The following HDAC7 variants were observed in gnomAD, a reference collection of about 807,000 sequenced individuals.
The protein encoded by HDAC7 is histone deacetylase 7, also known as histone deacetylase 7A.
A neutral mutation model predicts 115.5 loss-of-function variants in HDAC7; 26 were observed. That is an observed-to-expected ratio of 0.23 (90% confidence interval 0.16 to 0.31). The LOEUF is 0.31. Ranked by LOEUF, HDAC7 falls within the 10% of genes least tolerant of loss-of-function variation. The probability of loss-of-function intolerance (pLI) is 1.00; values close to 1 mark genes in which losing one functional copy is unlikely to be tolerated. For missense variants in HDAC7, 1,068 were observed against 1,329.0 expected (o/e 0.80, Z 3.05); for synonymous variants, 564 against 550.9 (o/e 1.02, Z -0.33).
chr12:47,794,703 C>A, intron 12 of HDAC7, 57 bp downstream of exon 12: 1 of 1,469,026 alleles, frequency 6.8e-7, no homozygotes. Flanking sequence ...CCATCTTATG[C>A]CAGGCCCCAG....
At chr12:47,791,457 G>C in intron 15 of HDAC7, 129 bp downstream of exon 15, 1 of 1,407,312 alleles carries the variant, frequency 7.1e-7, no homozygotes, top group Non-Finnish European at 9.6e-7. Context: ...GAGGGGCTTG[G>C]CAGCAAGCTG....
At position 47,797,465 on chromosome 12, in the gene HDAC7, G is replaced by C; in HGVS notation, c.496C>G (p.Arg166Gly). 6.2e-7 allele frequency: 1 copy of C among 1,613,758 alleles called. No homozygotes were observed. The highest frequency in any genetic ancestry group is 8.5e-7 in the Non-Finnish European group (1 of 1,179,820). Residue 166 changes from arginine to glycine, a missense_variant, in exon 6 of 26, where the codon CGC becomes GGC. Physicochemically the swap from Arg to Gly is moderately radical, Grantham distance 125 (BLOSUM62 -2). Around this residue, in one of 6 missense-constraint regions of HDAC7, gnomAD observed 618 missense variants for 701.5 expected, o/e 0.88. Coordinates refer to ENST00000080059, the MANE Select transcript of HDAC7 (RefSeq NM_015401.5). This position sits in a 1 kb window ranked among gnomAD's most constrained non-coding sequence, Gnocchi z 5.5. Reference sequence around the variant, plus strand: ...GGCAAAAAGCTGCTGAGCATGGAGCGGGTGGCTCCTTCCGTCTCCAGGGGC... The same window carrying C: ...GGCAAAAAGCTGCTGAGCATGGAGCCGGTGGCTCCTTCCGTCTCCAGGGGC... ...LEPLETEGAT[R>G]SMLSSFLPPV...
chr12:47,795,660 C>G lies in HDAC7; in HGVS notation c.1014G>C (p.Gly338=). The change falls in exon 10 of 26, where the codon GGG becomes GGC. Residue 338 remains glycine, a synonymous_variant. Transcript: ENST00000080059. The surrounding 1 kb of genome is among the most constrained non-coding windows in gnomAD (Gnocchi z 4.3). The stretch of plus-strand genomic sequence containing the variant: ...GCTGCAGGCGAGAGGGCAAGGTGCC[C>G]CCAGCCTCGGGCTCCAAGCCATGGG... The part of the protein sequence containing the change: ...FLPHGLEPEA[G]GTLPSRLQPI... The G allele has an allele frequency of 6.4e-7, 1 of 1,553,324 alleles. No homozygotes were observed. Among genetic ancestry groups the G allele is most frequent in the Non-Finnish European group, 8.7e-7 (1 of 1,148,234 alleles).
intron 1 of HDAC7, among the ~76,000 whole-genome samples, chr12:47,808,871 C>T (rs1370464691): frequency 6.6e-6 from 1 of 152,222 alleles, no homozygotes; most frequent in Admixed American, 6.5e-5. Flanking sequence ...CCCTCAAAGA[C>T]ATAAGTTCCA....
intron 1 of HDAC7, among the ~76,000 whole-genome samples, chr12:47,812,415 T>C (rs1447424088): frequency 6.6e-6 from 1 of 152,244 alleles, no homozygotes; most frequent in East Asian, 1.9e-4. Flanking sequence ...ACATTAATAA[T>C]GATGATGAAT....
intron 1 of HDAC7, chr12:47,817,974 A>G (rs541886585): frequency 6.6e-6 from 1 of 152,408 alleles, no homozygotes; most frequent in East Asian, 1.9e-4. Flanking sequence ...TCCCTAAGCA[A>G]ACTGGAGGGG....
intron 1 of HDAC7, among the ~76,000 whole-genome samples, chr12:47,804,603 G>A (rs35392237): frequency 0.076 from 11,526 of 151,906 alleles, 539 homozygotes; most frequent in African/African-American, 0.13. Flanking sequence ...TGCCAGGTTG[G>A]AGAGCTCTTC....
At position 47,798,234 on chromosome 12, in the gene HDAC7, T is replaced by A. The variant is rs189341113; in HGVS notation, c.350-15A>T. On this transcript the variant is annotated splice_polypyrimidine_tract_variant and intron_variant, in intron 4 of 25. Transcript: ENST00000080059. This position sits in a 1 kb window ranked among gnomAD's most constrained non-coding sequence, Gnocchi z 4.3. The stretch of plus-strand genomic sequence containing the variant: ...GGCTACAGCACCTGTAGGGGCAGAG[T>A]CAGGAGGGGGCTGGAGGTGGGTGGA... 3,490 of 1,598,860 alleles carry A rather than the reference T, an allele frequency of 2.2e-3. 2 individuals are homozygous for A. The highest frequency in any genetic ancestry group is 2.8e-3 in the Non-Finnish European group (3,299 of 1,166,792).
chr12:47,795,457 G>T lies in HDAC7; in HGVS notation c.1088-77C>A. ...AGGAAGCGAGGGTATAGGGTGGGGG[G>T]CCAGGGTGCAGCAGGGCAATGCGCA... On this transcript the variant is annotated intron_variant, in intron 10 of 25. Coordinates refer to ENST00000080059, the MANE Select transcript of HDAC7 (RefSeq NM_015401.5). This position sits in a 1 kb window ranked among gnomAD's most constrained non-coding sequence, Gnocchi z 4.3. The T allele has an allele frequency of 7.6e-7, 1 of 1,316,056 alleles. No homozygotes were observed. Among genetic ancestry groups the T allele is most frequent in the Non-Finnish European group, 1.1e-6 (1 of 939,356 alleles). 81.5% of individuals were successfully genotyped at this position (1,316,056 alleles called of 1,614,324 possible).
At chr12:47,811,053 C>T (rs1016557296) in intron 1 of HDAC7, among the ~76,000 whole-genome samples, 1 of 152,084 alleles carries the variant, frequency 6.6e-6, no homozygotes, top group Admixed American at 6.6e-5. Context: ...CAGTAAGAAC[C>T]AGGCAAACCG....
intron 14 of HDAC7, 80 bp from the exon 15 acceptor site, chr12:47,791,786 C>G: frequency 6.3e-7 from 1 of 1,588,470 alleles, no homozygotes; most frequent in East Asian, 2.3e-5. Flanking sequence ...CCCCTCATCT[C>G]TCATGGGCCC....
chr12:47,787,840 G>A (rs1322794362), intron 20 of HDAC7, 31 bp from the exon 21 acceptor site: 1 of 1,591,084 alleles, frequency 6.3e-7, no homozygotes, highest in Non-Finnish European at 8.6e-7. Context: ...GAGACATGAG[G>A]ACAGCAGAGT....
chr12:47,795,015 C>T lies in HDAC7; in HGVS notation c.1285-82G>A, dbSNP rs1224663779. ...GAGGTGGTGGGCTGGGCCAGGCAGC[C>T]AGTCATCTTGCTAGGACTCCAGCTG... is the stretch of plus-strand genomic sequence containing the variant. On this transcript the variant is annotated intron_variant, in intron 11 of 25. Coordinates refer to ENST00000080059, the MANE Select transcript of HDAC7 (RefSeq NM_015401.5). This position sits in a 1 kb window ranked among gnomAD's most constrained non-coding sequence, Gnocchi z 4.3. 1 of 1,447,192 alleles carries T rather than the reference C, an allele frequency of 6.9e-7. No individual in the cohort carries two copies. Among genetic ancestry groups the T allele is most frequent in the East Asian group, 2.3e-5 (1 of 43,666 alleles). The allele number at this position is 1,447,192 out of a possible 1,614,324, so 89.6% of individuals were successfully genotyped here. A position where few individuals can be genotyped will look rare whatever the true frequency, so the allele number is the denominator to read the frequency against.
At chr12:47,815,027 G>C (rs1944813523) in intron 1 of HDAC7, among the ~76,000 whole-genome samples, 1 of 152,218 alleles carries the variant, frequency 6.6e-6, no homozygotes, top group Non-Finnish European at 1.5e-5. Flanking sequence ...TGTTGTGCCT[G>C]TGTGTTCACT....
intron 20 of HDAC7, 78 bp downstream of exon 20, chr12:47,787,967 G>T: frequency 3.2e-6 from 5 of 1,587,280 alleles, no homozygotes; most frequent in Admixed American, 1.7e-5. Flanking sequence ...GGATCACACA[G>T]CTCGTCATGA....
rs1393199099 is a variant in HDAC7, at chr12:47,798,386, C to T, written c.350-167G>A. Among the ~76,000 whole-genome samples the T allele has an allele frequency of 6.6e-6, 1 of 151,986 alleles. No individual in the cohort carries two copies. Among genetic ancestry groups the T allele is most frequent in the South Asian group, 2.1e-4 (1 of 4,822 alleles). On this transcript the variant is annotated intron_variant, in intron 4 of 25. Coordinates refer to ENST00000080059, the MANE Select transcript of HDAC7 (RefSeq NM_015401.5). The surrounding 1 kb of genome is among the most constrained non-coding windows in gnomAD (Gnocchi z 4.3). ...CCTCCCTAGAGCCTCCAGACACCACCCCCCACCCCCACATCCCCCACACAT... is the reference window on the plus strand; with the variant it reads ...CCTCCCTAGAGCCTCCAGACACCACTCCCCACCCCCACATCCCCCACACAT...
intron 24 of HDAC7, chr12:47,784,739 C>T: frequency 6.5e-7 from 1 of 1,535,570 alleles, no homozygotes. Context: ...CAGGAGAATG[C>T]TCCTCCTGCC....
chr12:47,796,063 C>T, intron 8 of HDAC7, 47 bp from the exon 9 acceptor site: 1 of 1,537,688 alleles, frequency 6.5e-7, no homozygotes, highest in Non-Finnish European at 8.8e-7. Context: ...GACCTCTACC[C>T]CGGCGCACCT....
chr12:47,785,377 C>T lies in HDAC7; in HGVS notation c.2791+10G>A. On this transcript the variant is annotated intron_variant, in intron 24 of 25. Transcript: ENST00000080059. ...TCTGAGCTCAGCGAGTGTCCCATCT[C>T]CACACTTACTGTGCACCCGGATCAC... 6.2e-7 allele frequency: 1 copy of T among 1,602,418 alleles called. No homozygotes were observed. Among genetic ancestry groups the T allele is most frequent in the Non-Finnish European group, 8.5e-7 (1 of 1,174,036 alleles).
Sources: gnomAD v4.1 joint callset for allele counts (sites outside exome capture counted in the v4.1 genomes callset) on GRCh38, gnomAD v4.1.1 for gene constraint, gnomAD v4.1.1 regional missense constraint, Gnocchi (gnomAD v3.1) non-coding constraint, MANE v1.5 for transcripts, NCBI Gene and HGNC (gene_info 2026-07-23, HGNC 2026-07-21) for gene names.